NBPF12: variants seen among roughly 807,000 people sequenced by gnomAD.
The protein encoded by NBPF12 is NBPF family member NBPF12.
Under a neutral mutation model 146.4 loss-of-function variants are expected in NBPF12, and 115 were observed. That is an observed-to-expected ratio of 0.79 (90% CI 0.68 to 0.92). The LOEUF (loss-of-function observed/expected upper bound fraction) is 0.92, where lower values mean the gene tolerates loss of function less well. Among genes scored for constraint, NBPF12 ranks in the 40% least tolerant of loss-of-function variants. The pLI is 0.00. For synonymous variants in NBPF12, 385 were observed against 508.9 expected (o/e 0.76, Z 3.28); for missense variants, 1,205 against 1,326.8 (o/e 0.91, Z 1.43).
At chr1:146,995,881 C>G (rs1658511042) in exon 34 of NBPF12, 1 of 150,250 alleles carries the variant, frequency 6.7e-6, no homozygotes, top group South Asian at 2.1e-4. Context: ...TAATGATCAT[C>G]CTCTAAACAT....
exon 12 of NBPF12, chr1:146,970,719 G>A: frequency 7.4e-7 from 1 of 1,358,688 alleles, no homozygotes; most frequent in South Asian, 1.2e-5. Flanking sequence ...TCTTCCCCCA[G>A]GTGACACTGA....
intron 10 of NBPF12, among the ~76,000 whole-genome samples, chr1:146,969,134 T>C (rs1656409507): frequency 2.6e-5 from 4 of 151,226 alleles, no homozygotes; most frequent in Middle Eastern, 3.2e-3. Context: ...AGACACCTAC[T>C]TTTGTTTACA....
At position 146,970,443 on chromosome 1, in the gene NBPF12, C is replaced by G. The variant is rs1416662422; in HGVS notation, c.1307-204C>G. On this transcript the variant is annotated intron_variant, in intron 11 of 33. Transcript: ENST00000617844. ...AGGTCTTTTCAGTATTTGGCCACAT[C>G]TTGATGGTGGCCCTCCACATCAGAA... Among the ~76,000 whole-genome samples, 3 of 151,112 alleles carry G rather than the reference C, an allele frequency of 2.0e-5. No individual in the cohort carries two copies. In the South Asian group the frequency reaches 6.3e-4, roughly 32 times the overall value.
chr1:146,982,890 T>A, intron 19 of NBPF12, 38 bp from the exon 23 acceptor site: 1 of 1,590,396 alleles, frequency 6.3e-7, no homozygotes. Flanking sequence ...GTCTGTTGGT[T>A]AAATCTTCTA....
Position 146,984,535 on chromosome 1 carries a change from T to G in NBPF12, c.2667-278T>G, listed in dbSNP as rs1553888348. ...GCACAAATACAGAGTGTCCTTTGAC[T>G]CCCTCATCAGTGTGTCACCCGGCCA... On this transcript the variant is annotated intron_variant, in intron 21 of 33. Transcript: ENST00000617844. Among the ~76,000 whole-genome samples the G allele has an allele frequency of 9.3e-3, 1,388 of 149,934 alleles. 32 individuals carry two copies. The highest frequency in any genetic ancestry group is 0.033 in the African/African-American group (1,302 of 39,686).
At chr1:146,996,041 A>G (rs868943809) in exon 34 of NBPF12, 2 of 144,250 alleles carry the variant, frequency 1.4e-5, no homozygotes, top group African/African-American at 2.6e-5. Flanking sequence ...CTGAGTTTTA[A>G]TTTTTGTCCA....
At chr1:146,953,880 C>CTT (rs1655435751) in intron 2 of NBPF12, among the ~76,000 whole-genome samples, 1 of 151,902 alleles carries the variant, frequency 6.6e-6, no homozygotes, top group South Asian at 2.1e-4. Context: ...AGAATTGAAG[C>CTT]TGTCTTTATT....
At chr1:146,962,414 A>T (rs1655910637) in intron 5 of NBPF12, among the ~76,000 whole-genome samples, 151 bp downstream of exon 8, 1 of 148,918 alleles carries the variant, frequency 6.7e-6, no homozygotes, top group African/African-American at 2.5e-5. Context: ...TTTATCAGAG[A>T]ACAAGGATAA....
intron 2 of NBPF12, among the ~76,000 whole-genome samples, chr1:146,943,994 G>C (rs1654914216): frequency 7.6e-6 from 1 of 131,984 alleles, no homozygotes; most frequent in East Asian, 2.3e-4. Flanking sequence ...GCTCTGCACT[G>C]TCCTGGGTGG....
chr1:146,945,229 C>T (rs1205428727), upstream of NBPF12, among the ~76,000 whole-genome samples: 1 of 151,488 alleles, frequency 6.6e-6, no homozygotes, highest in African/African-American at 2.4e-5. Context: ...CATTACTTAT[C>T]AAAATCTCTG....
At chr1:146,973,747 C>T (rs1203861413) in intron 14 of NBPF12, among the ~76,000 whole-genome samples, 2 of 146,576 alleles carry the variant, frequency 1.4e-5, no homozygotes, top group East Asian at 2.0e-4. Flanking sequence ...AAGATTTTGC[C>T]GTTGCACTCC....
At chr1:146,962,001 G>A (rs1173927356) in intron 4 of NBPF12, among the ~76,000 whole-genome samples, 160 bp from the exon 8 acceptor site, 2 of 152,156 alleles carry the variant, frequency 1.3e-5, no homozygotes, top group South Asian at 2.1e-4. Flanking sequence ...ATGCCAGAAA[G>A]TCAGGAGACT....
At chr1:146,987,790 G>A (rs1657886437) in intron 25 of NBPF12, among the ~76,000 whole-genome samples, 164 bp from the exon 29 acceptor site, 1 of 151,808 alleles carries the variant, frequency 6.6e-6, no homozygotes, top group African/African-American at 2.4e-5. Flanking sequence ...TTTTCCATTT[G>A]GCCCTGTTCT....
upstream of NBPF12, among the ~76,000 whole-genome samples, chr1:146,948,868 C>T (rs1655194638): frequency 6.6e-6 from 1 of 151,572 alleles, no homozygotes; most frequent in Non-Finnish European, 1.5e-5. Context: ...TATATTCCAT[C>T]TACTGAGATA....
upstream of NBPF12, among the ~76,000 whole-genome samples, chr1:146,949,112 T>G (rs1382880577): frequency 6.6e-6 from 1 of 152,202 alleles, no homozygotes; most frequent in African/African-American, 2.4e-5. Context: ...CAATAAATAC[T>G]AAGGGAACTC....
At chr1:146,980,440 C>A (rs1341256667) in intron 19 of NBPF12, among the ~76,000 whole-genome samples, 5 of 152,010 alleles carry the variant, frequency 3.3e-5, no homozygotes, top group Non-Finnish European at 5.9e-5. Context: ...CATGTTTTTG[C>A]AGTGGCTGGT....
At chr1:146,964,795 CT>C (rs2101855343) in intron 7 of NBPF12, 97 bp from the exon 11 acceptor site, 2 of 1,591,736 alleles carry the variant, frequency 1.3e-6, no homozygotes, top group East Asian at 4.5e-5. Context: ...TCTGGGACCA[CT>C]CTCTTAATGC....
chr1:146,957,843 T>A lies in NBPF12; in HGVS notation c.-183-2016T>A, dbSNP rs1402955893. ...CTTAAAAAAGAAAAAAAAAATATAA[T>A]ATATATATATATACACGTGTTATAT... On this transcript the variant is annotated intron_variant, in intron 2 of 33. Transcript: ENST00000617844. Among the ~76,000 whole-genome samples the A allele has an allele frequency of 3.5e-5, 4 of 114,290 alleles. 1 individual carries two copies. Among genetic ancestry groups the A allele is most frequent in the African/African-American group, 1.2e-4 (4 of 33,002 alleles). The allele number at this position is 114,290 out of a possible 152,430, so 75.0% of individuals were successfully genotyped here. A position where few individuals can be genotyped will look rare whatever the true frequency, so the allele number is the denominator to read the frequency against.
exon 28 of NBPF12, chr1:146,989,692 A>C (rs782118663): frequency 6.2e-7 from 1 of 1,611,656 alleles, no homozygotes; most frequent in Non-Finnish European, 8.5e-7. Flanking sequence ...GCCCTACAGA[A>C]GTGCCTTTTA....
Sources: gnomAD v4.1 joint callset for allele counts (sites outside exome capture counted in the v4.1 genomes callset) on GRCh38, gnomAD v4.1.1 for gene constraint, MANE v1.5 for transcripts, NCBI Gene and HGNC (gene_info 2026-07-23, HGNC 2026-07-21) for gene names.